CTNNA2: variants seen among roughly 807,000 people sequenced by gnomAD.
The protein encoded by CTNNA2 is catenin alpha 2.
A neutral mutation model predicts 101.0 loss-of-function variants in CTNNA2; 42 were observed. That is an observed-to-expected ratio of 0.42 (90% CI 0.32 to 0.54). The LOEUF (loss-of-function observed/expected upper bound fraction) is 0.54. Among genes scored for constraint, CTNNA2 ranks in the 20% least tolerant of loss-of-function variants. CTNNA2 has a pLI of 0.14. For synonymous variants in CTNNA2, 450 were observed against 456.4 expected (o/e 0.99, Z 0.18); for missense variants, 871 against 1,223.1 (o/e 0.71, Z 4.29).
At chr2:79,818,462 G>A (rs554989134) in intron 3 of CTNNA2, among the ~76,000 whole-genome samples, 212 of 151,568 alleles carry the variant, frequency 1.4e-3, no homozygotes, top group African/African-American at 4.8e-3. Context: ...ACAGGCGCCC[G>A]CCACCATGCC....
At chr2:79,569,235 G>A (rs577378407) in intron 1 of CTNNA2, among the ~76,000 whole-genome samples, 123 of 152,300 alleles carry the variant, frequency 8.1e-4, no homozygotes, top group Non-Finnish European at 1.5e-3. Flanking sequence ...CACAGTGAAT[G>A]ACAGGAGTCC....
chr2:80,561,241 C>T (rs146357026), intron 12 of CTNNA2, among the ~76,000 whole-genome samples: 57 of 152,232 alleles, frequency 3.7e-4, no homozygotes, highest in South Asian at 1.5e-3. Context: ...GAAGGACTAT[C>T]CACAGTCTAA....
intron 3 of CTNNA2, among the ~76,000 whole-genome samples, chr2:79,321,052 A>G (rs1676611497): frequency 6.6e-6 from 1 of 152,200 alleles, no homozygotes; most frequent in Non-Finnish European, 1.5e-5. Flanking sequence ...GGATTTGGCT[A>G]CTGTTATTAC....
chr2:80,176,263 C>T (rs959823150), intron 7 of CTNNA2, among the ~76,000 whole-genome samples: 4 of 152,140 alleles, frequency 2.6e-5, no homozygotes, highest in African/African-American at 9.7e-5. Context: ...CCAGAAACTA[C>T]CAATTCCCAA....
At chr2:79,308,070 G>A (rs1676286911) in intron 2 of CTNNA2, among the ~76,000 whole-genome samples, 1 of 152,112 alleles carries the variant, frequency 6.6e-6, no homozygotes. Flanking sequence ...TCGAGATTGA[G>A]TTTTGCTCTT....
chr2:79,424,328 A>G (rs1314277523), intron 4 of CTNNA2, among the ~76,000 whole-genome samples: 3 of 152,146 alleles, frequency 2.0e-5, no homozygotes, highest in Non-Finnish European at 4.4e-5. Flanking sequence ...TCCTGGAATT[A>G]TTCTTCATAT....
At chr2:80,482,478 G>T (rs1390816873) in intron 9 of CTNNA2, among the ~76,000 whole-genome samples, 1 of 152,102 alleles carries the variant, frequency 6.6e-6, no homozygotes, top group Non-Finnish European at 1.5e-5. Flanking sequence ...GCTCAACTTT[G>T]CCATTGTAAT....
intron 7 of CTNNA2, among the ~76,000 whole-genome samples, chr2:79,966,193 T>C (rs1456340611): frequency 6.6e-6 from 1 of 152,102 alleles, no homozygotes; most frequent in Non-Finnish European, 1.5e-5. Flanking sequence ...TAGCACTTGA[T>C]GGTTATGTTC....
At position 80,545,499 on chromosome 2, in the gene CTNNA2, T is replaced by C. The variant is rs547732977; in HGVS notation, c.1384-408T>C. 2.6e-5 allele frequency among the ~76,000 whole-genome samples: 4 copies of C among 152,282 alleles called. No individual in the cohort carries two copies. The South Asian group carries it at 6.2e-4, about 24-fold the overall frequency. ...AGTTCGAGGCTGCAGGGAGCTGGGA[T>C]TGTGCCACTATACTCTCCACTCCTG... On this transcript the variant is annotated intron_variant, in intron 10 of 18. Coordinates refer to ENST00000402739, the MANE Select transcript of CTNNA2 (RefSeq NM_001282597.3).
intron 7 of CTNNA2, among the ~76,000 whole-genome samples, chr2:80,225,241 A>G (rs746976741): frequency 1.5e-4 from 23 of 152,110 alleles, no homozygotes; most frequent in Non-Finnish European, 3.1e-4. Context: ...GAAATTAAAC[A>G]TTTCTCTAAA....
chr2:80,620,404 C>T (rs1573478519), intron 18 of CTNNA2, among the ~76,000 whole-genome samples: 1 of 151,844 alleles, frequency 6.6e-6, no homozygotes, highest in Admixed American at 6.6e-5. Flanking sequence ...AAGTTATACA[C>T]TTTTATATTT....
chr2:79,810,922 T>G lies in CTNNA2; in HGVS notation c.299-47091T>G, dbSNP rs560526664. Among the ~76,000 whole-genome samples the G allele has an allele frequency of 2.3e-3, 353 of 151,860 alleles. 1 individual carries two copies. Among genetic ancestry groups the G allele is most frequent in the African/African-American group, 8.3e-3 (343 of 41,280 alleles). Reference sequence around the variant, plus strand: ...TATGCCACATTTTCTTAATCCAGTCTATCATTGTTGGACATTTGGGTTGGT... The same window carrying G: ...TATGCCACATTTTCTTAATCCAGTCGATCATTGTTGGACATTTGGGTTGGT... On this transcript the variant is annotated intron_variant, in intron 3 of 18. Coordinates refer to ENST00000402739, the MANE Select transcript of CTNNA2 (RefSeq NM_001282597.3).
Position 79,705,569 on chromosome 2 carries a change from C to T in CTNNA2, c.103-38818C>T, listed in dbSNP as rs910993275. On this transcript the variant is annotated intron_variant, in intron 2 of 18. Coordinates refer to ENST00000402739, the MANE Select transcript of CTNNA2 (RefSeq NM_001282597.3). ...TTTTCCAAAACGACTGTACTGATTT[C>T]GCTGATAGGGAAACTAGACAATGAG... is the stretch of plus-strand genomic sequence containing the variant. Among the ~76,000 whole-genome samples the T allele has an allele frequency of 2.0e-5, 3 of 152,074 alleles. No individual in the cohort carries two copies. The East Asian group carries it at 5.8e-4, about 29-fold the overall frequency.
At chr2:79,974,408 T>C (rs1165326148) in intron 7 of CTNNA2, among the ~76,000 whole-genome samples, 3 of 152,152 alleles carry the variant, frequency 2.0e-5, no homozygotes, top group Admixed American at 2.0e-4. Flanking sequence ...CCATTTTCTG[T>C]GTTACTTAAG....
chr2:79,734,517 G>A (rs1338238056), intron 2 of CTNNA2, among the ~76,000 whole-genome samples: 2 of 152,028 alleles, frequency 1.3e-5, no homozygotes, highest in South Asian at 2.1e-4. Context: ...TGGTAAAAAT[G>A]TATACCTTAG....
At chr2:79,422,471 C>T (rs1479158186) in intron 4 of CTNNA2, among the ~76,000 whole-genome samples, 1 of 152,240 alleles carries the variant, frequency 6.6e-6, no homozygotes, top group East Asian at 1.9e-4. Flanking sequence ...CCCCAAATGT[C>T]GATAATGTTG....
At chr2:80,205,843 AAAAG>A (rs1707499169) in intron 7 of CTNNA2, among the ~76,000 whole-genome samples, 1 of 152,226 alleles carries the variant, frequency 6.6e-6, no homozygotes, top group African/African-American at 2.4e-5. Context: ...AATCCAAGAA[AAAAG>A]AGATACTTGT....
intron 7 of CTNNA2, among the ~76,000 whole-genome samples, chr2:80,351,587 G>A (rs1049315621): frequency 2.6e-5 from 4 of 152,212 alleles, no homozygotes; most frequent in African/African-American, 4.8e-5. Context: ...TGTGCTGCTC[G>A]CTAACTGCCT....
intron 9 of CTNNA2, among the ~76,000 whole-genome samples, chr2:80,531,183 T>A (rs932960712): frequency 2.0e-5 from 3 of 152,154 alleles, no homozygotes; most frequent in African/African-American, 7.2e-5. Flanking sequence ...TACCCCATAT[T>A]CCCATTGCTG....
Sources: gnomAD v4.1 joint callset for allele counts (sites outside exome capture counted in the v4.1 genomes callset) on GRCh38, gnomAD v4.1.1 for gene constraint, MANE v1.5 for transcripts, NCBI Gene and HGNC (gene_info 2026-07-23, HGNC 2026-07-21) for gene names.